IRAG1: variants seen among roughly 807,000 people sequenced by gnomAD.
IRAG1 encodes IP3R-associated cGMP kinase substrate.
In IRAG1, 62 loss-of-function variants were observed where a neutral mutation model predicts 106.2. The observed-to-expected ratio is 0.58, with a 90% CI of 0.48 to 0.72. The LOEUF is 0.72. IRAG1 is among the 30% of genes least tolerant of loss of function. The pLI, the probability that IRAG1 is intolerant of heterozygous loss-of-function variation, is 0.00. For synonymous variants in IRAG1, 462 were observed against 443.9 expected, an observed-to-expected ratio of 1.04 and a Z score of -0.51; for missense variants, 1,064 against 1,140.7, an observed-to-expected ratio of 0.93 and a Z score of 0.97.
At chr11:10,617,520 C>T (rs1855523207) in intron 10 of IRAG1, among the ~76,000 whole-genome samples, 2 of 152,274 alleles carry the variant, frequency 1.3e-5, no homozygotes, top group South Asian at 4.1e-4. Context: ...TTATGAAATG[C>T]ATTTTCTGGA....
At chr11:10,592,573 T>G (rs902437411) in intron 17 of IRAG1, among the ~76,000 whole-genome samples, 2 of 152,166 alleles carry the variant, frequency 1.3e-5, no homozygotes, top group Non-Finnish European at 2.9e-5. Context: ...TATAGGGTAG[T>G]GCTAGTCATA....
intron 15 of IRAG1, among the ~76,000 whole-genome samples, chr11:10,595,176 C>T (rs531323101): frequency 2.6e-5 from 4 of 151,764 alleles, no homozygotes; most frequent in Admixed American, 6.6e-5. Context: ...CTACCCGCCT[C>T]GGCCGCCCAA....
chr11:10,636,821 G>A (rs1049349732), intron 2 of IRAG1, among the ~76,000 whole-genome samples: 2 of 152,308 alleles, frequency 1.3e-5, no homozygotes, highest in Middle Eastern at 3.4e-3. Flanking sequence ...GAGCTTGCAC[G>A]ACAAAGATGT....
At position 10,647,621 on chromosome 11, in the gene IRAG1, T is replaced by C. The variant is rs188424161; in HGVS notation, c.225+4404A>G. Among the ~76,000 whole-genome samples, 70 of 152,264 alleles carry C rather than the reference T, an allele frequency of 4.6e-4. No individual in the cohort carries two copies. Among genetic ancestry groups the C allele is most frequent in the African/African-American group, 1.6e-3 (67 of 41,558 alleles). On this transcript the variant is annotated intron_variant, in intron 2 of 20. Coordinates refer to ENST00000423302, the MANE Select transcript of IRAG1 (RefSeq NM_130385.4). The surrounding 1 kb of genome is among the most constrained non-coding windows in gnomAD (Gnocchi z 4.3). ...CCGGTGAAAATTGGGCTCTTACAGC[T>C]AACATGAGCCTCTTTGTACCCTCAG...
chr11:10,592,009 G>A (rs1852728132), intron 17 of IRAG1, among the ~76,000 whole-genome samples: 1 of 152,168 alleles, frequency 6.6e-6, no homozygotes, highest in South Asian at 2.1e-4. Context: ...GCCCATCACT[G>A]TCCCTAGAGA....
intron 14 of IRAG1, among the ~76,000 whole-genome samples, chr11:10,602,440 C>A (rs1271775448): frequency 6.6e-6 from 1 of 152,186 alleles, no homozygotes; most frequent in Non-Finnish European, 1.5e-5. Context: ...CAAGGTCACA[C>A]AGCGAATGAA....
At position 10,644,960 on chromosome 11, in the gene IRAG1, G is replaced by A. The variant is rs79473688; in HGVS notation, c.225+7065C>T. ...AGCAGTAAAGTATATGGCTAAACTCGAGATATTCCCATAGACAGCGCAGAA... is the reference window on the plus strand; with the variant it reads ...AGCAGTAAAGTATATGGCTAAACTCAAGATATTCCCATAGACAGCGCAGAA... On this transcript the variant is annotated intron_variant, in intron 2 of 20. Transcript: ENST00000423302. Among the ~76,000 whole-genome samples, 1,039 of 152,220 alleles carry A rather than the reference G, an allele frequency of 6.8e-3. 5 individuals carry two copies. Among genetic ancestry groups the A allele is most frequent in the African/African-American group, 0.024 (989 of 41,530 alleles).
rs929194530 is a variant in IRAG1 at position 10,604,420 on chromosome 11, G to C, written c.1728C>G (p.Phe576Leu). 1.9e-6 allele frequency: 3 copies of C among 1,614,028 alleles called. No individual in the cohort carries two copies. The highest frequency in any genetic ancestry group is 2.5e-6 in the Non-Finnish European group (3 of 1,179,900). The change falls in exon 13 of 21, where the codon TTC becomes TTG. Residue 576 changes from phenylalanine to leucine, a missense_variant. Coordinates refer to ENST00000423302, the MANE Select transcript of IRAG1 (RefSeq NM_130385.4). Reference sequence around the variant, plus strand: ...CCACAATTACCGTAATGGAAGCTTTGAAGTTTTCCAGTTCTTTCTCAGTGT... The same window carrying C: ...CCACAATTACCGTAATGGAAGCTTTCAAGTTTTCCAGTTCTTTCTCAGTGT... The part of the protein sequence containing the change: ...EENTEKELEN[F>L]KASITSSASL...
intron 1 of IRAG1, among the ~76,000 whole-genome samples, chr11:10,676,984 C>G (rs1860733788): frequency 6.6e-6 from 1 of 152,194 alleles, no homozygotes; most frequent in South Asian, 2.1e-4. Context: ...ACTGACTGTT[C>G]TCAAACACAG....
chr11:10,588,061 G>A (rs1163077653), intron 18 of IRAG1, among the ~76,000 whole-genome samples: 1 of 152,170 alleles, frequency 6.6e-6, no homozygotes, highest in African/African-American at 2.4e-5. Context: ...GCGAGGTGCA[G>A]CAAATAGTTA....
chr11:10,630,561 G>A (rs965030026), intron 4 of IRAG1, among the ~76,000 whole-genome samples: 3 of 152,038 alleles, frequency 2.0e-5, no homozygotes, highest in South Asian at 2.1e-4. Context: ...GCCCTCAGGC[G>A]AGCTCCTCCA....
chr11:10,651,906 C>CT, intron 2 of IRAG1, 119 bp downstream of exon 2: 2 of 1,244,726 alleles, frequency 1.6e-6, no homozygotes, highest in Non-Finnish European at 1.1e-6. Flanking sequence ...CAGGTACCCA[C>CT]TGCAACCTAC....
At chr11:10,676,255 G>T (rs116097630) in intron 1 of IRAG1, among the ~76,000 whole-genome samples, 1,900 of 152,314 alleles carry the variant, frequency 0.012, 40 homozygotes, top group African/African-American at 0.043. Context: ...CTCCCTGTGC[G>T]GTGGGAGCTA....
rs1859744092 is a variant in IRAG1 at position 10,665,811 on chromosome 11, G to A, written c.68-13629C>T. Among the ~76,000 whole-genome samples, 1 of 152,222 alleles carries A rather than the reference G, an allele frequency of 6.6e-6. No individual in the cohort carries two copies. The highest frequency in any genetic ancestry group is 1.5e-5 in the Non-Finnish European group (1 of 68,032). On this transcript the variant is annotated intron_variant, in intron 1 of 20. Coordinates refer to ENST00000423302, the MANE Select transcript of IRAG1 (RefSeq NM_130385.4). This position sits in a 1 kb window ranked among gnomAD's most constrained non-coding sequence, Gnocchi z 4.2. ...CAATAGACTCTGAGCTGAACTGCAG[G>A]ATGGTGGGTGTGTACACAAGAAGAC...
intron 1 of IRAG1, among the ~76,000 whole-genome samples, chr11:10,678,923 T>G (rs1860919725): frequency 1.3e-5 from 2 of 152,212 alleles, no homozygotes; most frequent in Non-Finnish European, 1.5e-5. Context: ...TCCCACAAGC[T>G]CAACCTCAGC....
chr11:10,598,796 A>G (rs978304019), intron 15 of IRAG1, among the ~76,000 whole-genome samples: 1 of 152,254 alleles, frequency 6.6e-6, no homozygotes. Context: ...TCTAAAATGC[A>G]GATAATTGGT....
At chr11:10,611,198 T>C (rs1032377319) in intron 10 of IRAG1, among the ~76,000 whole-genome samples, 6 of 152,230 alleles carry the variant, frequency 3.9e-5, no homozygotes, top group Non-Finnish European at 8.8e-5. Context: ...GGATCATCTG[T>C]CAGAGATGGG....
At chr11:10,620,471 A>G (rs1471303423) in intron 10 of IRAG1, among the ~76,000 whole-genome samples, 1 of 152,218 alleles carries the variant, frequency 6.6e-6, no homozygotes, top group African/African-American at 2.4e-5. Context: ...GAAAAACCCC[A>G]GACCTAAATG....
chr11:10,683,361 C>CA (rs563286344), intron 1 of IRAG1, among the ~76,000 whole-genome samples: 5,791 of 92,460 alleles, frequency 0.063, 273 homozygotes, highest in African/African-American at 0.16. Context: ...AGGTTTGTGC[C>CA]AAAAAAAAAA....
Sources: gnomAD v4.1 joint callset for allele counts (sites outside exome capture counted in the v4.1 genomes callset) on GRCh38, gnomAD v4.1.1 for gene constraint, Gnocchi (gnomAD v3.1) non-coding constraint, MANE v1.5 for transcripts, NCBI Gene and HGNC (gene_info 2026-07-23, HGNC 2026-07-21) for gene names.